Variants in CNNM2 observed in about 807,000 individuals in gnomAD.
CNNM2 encodes cyclin and CBS domain divalent metal cation transport mediator 2, also known as metal transporter CNNM2.
A neutral mutation model predicts 66.9 loss-of-function variants in CNNM2; 12 were observed. The observed-to-expected ratio is 0.18, with a 90% CI of 0.11 to 0.29. The LOEUF (loss-of-function observed/expected upper bound fraction) is 0.29, where lower values mean the gene tolerates loss of function less well. Among genes scored for constraint, CNNM2 ranks in the 10% least tolerant of loss-of-function variants. The pLI is 1.00. For synonymous variants in CNNM2, 557 were observed against 501.8 expected (o/e 1.11, Z -1.47); for missense variants, 705 against 1,167.7 (o/e 0.60, Z 5.77).
At position 102,927,752 on chromosome 10, in the gene CNNM2, CA is replaced by C. The variant is rs564326128; in HGVS notation, c.1621+7660del. 1.5e-3 allele frequency: 337 copies of C among 225,246 alleles called. 2 individuals carry two copies. The highest frequency in any genetic ancestry group is 8.5e-3 in the South Asian group (108 of 12,676). 14.0% of individuals were successfully genotyped at this position (225,246 alleles called of 1,614,324 possible). On this transcript the variant is annotated intron_variant, in intron 1 of 7. Transcript: ENST00000369878. Reference sequence around the variant, plus strand: ...TGGACGACAAAGTGAGACTCTGTCTCAAAAAAAAAGGAGGGGGTGGTGGCAG... The same window carrying C: ...TGGACGACAAAGTGAGACTCTGTCTCAAAAAAAAGGAGGGGGTGGTGGCAG...
chr10:102,932,784 G>A (rs1011558806), intron 1 of CNNM2, among the ~76,000 whole-genome samples: 1 of 151,516 alleles, frequency 6.6e-6, no homozygotes, highest in Non-Finnish European at 1.5e-5. Context: ...CAGCGTGGTG[G>A]TGCATGCCTG....
chr10:102,952,538 T>A (rs1342437615), intron 1 of CNNM2, among the ~76,000 whole-genome samples: 1 of 150,720 alleles, frequency 6.6e-6, no homozygotes, highest in African/African-American at 2.4e-5. Context: ...CACTCCAGCC[T>A]GGGTGACAGA....
rs1426193708 is a variant in CNNM2, at chr10:103,070,138, C to G, written c.2167+1416C>G. On this transcript the variant is annotated intron_variant, in intron 5 of 7. Coordinates refer to ENST00000369878, the MANE Select transcript of CNNM2 (RefSeq NM_017649.5). ...GTCCCCACTGTCAACTGCTGACCAA[C>G]ACCCAACACCCACTGTGAACATGGG... is the stretch of plus-strand genomic sequence containing the variant. Among the ~76,000 whole-genome samples the G allele has an allele frequency of 2.6e-5, 4 of 152,264 alleles. No homozygotes were observed. The South Asian group carries it at 8.3e-4, about 32-fold the overall frequency.
intron 1 of CNNM2, among the ~76,000 whole-genome samples, chr10:102,987,524 T>C (rs2063819756): frequency 6.6e-6 from 1 of 152,042 alleles, no homozygotes; most frequent in Non-Finnish European, 1.5e-5. Context: ...GGTTTCACCA[T>C]GTTGGCGAGG....
chr10:103,037,902 C>T (rs965554852), intron 1 of CNNM2, among the ~76,000 whole-genome samples: 3 of 151,920 alleles, frequency 2.0e-5, no homozygotes, highest in Admixed American at 6.6e-5. Context: ...TGCAGTGGTG[C>T]AATCTTGGCT....
intron 2 of CNNM2, among the ~76,000 whole-genome samples, chr10:103,053,654 G>A (rs954522898): frequency 6.6e-6 from 1 of 152,240 alleles, no homozygotes; most frequent in African/African-American, 2.4e-5. Context: ...CAGCAGTGTG[G>A]AGACTATGTA....
intron 1 of CNNM2, among the ~76,000 whole-genome samples, chr10:102,926,020 T>C (rs1290095142): frequency 6.6e-6 from 1 of 152,208 alleles, no homozygotes; most frequent in Admixed American, 6.5e-5. Flanking sequence ...ATTTCTTCTG[T>C]GAGAGTAATG....
intron 1 of CNNM2, among the ~76,000 whole-genome samples, chr10:102,993,019 A>G (rs1387277288): frequency 6.6e-6 from 1 of 152,162 alleles, no homozygotes; most frequent in East Asian, 1.9e-4. Context: ...AACCAAGAAT[A>G]TGTCATACAT....
chr10:102,929,335 A>G (rs1034838822), intron 1 of CNNM2, among the ~76,000 whole-genome samples: 2 of 152,060 alleles, frequency 1.3e-5, no homozygotes, highest in African/African-American at 2.4e-5. Flanking sequence ...GGAAGCTTTT[A>G]GGAAAGCTGA....
intron 1 of CNNM2, among the ~76,000 whole-genome samples, chr10:103,036,823 A>G (rs1192386513): frequency 6.6e-6 from 1 of 152,358 alleles, no homozygotes; most frequent in East Asian, 1.9e-4. Context: ...CATAAGGGCC[A>G]CTGTCAATAG....
chr10:102,952,769 A>G (rs2134193460), intron 1 of CNNM2, among the ~76,000 whole-genome samples: 3 of 152,296 alleles, frequency 2.0e-5, no homozygotes, highest in Middle Eastern at 6.8e-3. Context: ...ATCTGGTAGA[A>G]GCTCTATAGG....
intron 4 of CNNM2, 72 bp from the exon 5 acceptor site, chr10:103,068,557 C>A: frequency 8.0e-7 from 1 of 1,246,430 alleles, no homozygotes; most frequent in Non-Finnish European, 1.2e-6. Context: ...TAAGGAAGGA[C>A]CAAATATTGT....
intron 1 of CNNM2, among the ~76,000 whole-genome samples, chr10:102,938,582 T>C (rs1399071036): frequency 7.9e-6 from 1 of 127,078 alleles, no homozygotes; most frequent in African/African-American, 3.1e-5. Context: ...ATTGCGCCAC[T>C]GCACTCCTGC....
intron 1 of CNNM2, among the ~76,000 whole-genome samples, chr10:102,927,190 T>C (rs909562617): frequency 2.6e-5 from 4 of 152,208 alleles, no homozygotes; most frequent in Non-Finnish European, 5.9e-5. Flanking sequence ...TATATATGTG[T>C]GTATGTATAT....
chr10:103,084,051 T>TA lies in CNNM2; in HGVS notation c.*6872dup, dbSNP rs2065780851. 1 of 152,212 alleles carries TA rather than the reference T, an allele frequency of 6.6e-6. No homozygotes were observed. The highest frequency in any genetic ancestry group is 1.5e-5 in the Non-Finnish European group (1 of 68,040). 9.4% of individuals were successfully genotyped at this position (152,212 alleles called of 1,614,324 possible). On this transcript the variant is annotated 3_prime_UTR_variant, in exon 8 of 8. Transcript: ENST00000369878. ...CACTACTTTGTCTTCTGTTCCTTCTTACCCTCATCACTCACATGAGACCAG... is the reference window on the plus strand; with the variant it reads ...CACTACTTTGTCTTCTGTTCCTTCTTAACCCTCATCACTCACATGAGACCAG...
rs888992409 is a variant in CNNM2 at position 103,083,953 on chromosome 10, G to A, written c.*6773G>A. Reference sequence around the variant, plus strand: ...CCTGAGTGTGGCGAGGCGTGTGCAGGTGGGTCTTCAGGATTCAGTGGATAT... The same window carrying A: ...CCTGAGTGTGGCGAGGCGTGTGCAGATGGGTCTTCAGGATTCAGTGGATAT... On this transcript the variant is annotated 3_prime_UTR_variant, in exon 8 of 8. Coordinates refer to ENST00000369878, the MANE Select transcript of CNNM2 (RefSeq NM_017649.5). 4 of 152,240 alleles carry A rather than the reference G, an allele frequency of 2.6e-5. No homozygotes were observed. The South Asian group carries it at 8.3e-4, about 32-fold the overall frequency. 9.4% of individuals were successfully genotyped at this position (152,240 alleles called of 1,614,324 possible). A position where few individuals can be genotyped will look rare whatever the true frequency, so the allele number is the denominator to read the frequency against.
intron 1 of CNNM2, among the ~76,000 whole-genome samples, chr10:102,970,875 T>C (rs1167056612): frequency 2.0e-5 from 3 of 152,146 alleles, no homozygotes; most frequent in Non-Finnish European, 4.4e-5. Flanking sequence ...TGTTCTTTCC[T>C]GGCTTGGTGA....
chr10:103,010,151 T>C (rs544662625), intron 1 of CNNM2, among the ~76,000 whole-genome samples: 7 of 152,158 alleles, frequency 4.6e-5, no homozygotes, highest in Non-Finnish European at 1.0e-4. Context: ...TTAAAACATT[T>C]CAATAACGTA....
chr10:103,054,667 G>A lies in CNNM2; in HGVS notation c.1903+201G>A, dbSNP rs556041935. On this transcript the variant is annotated intron_variant, in intron 3 of 7. Coordinates refer to ENST00000369878, the MANE Select transcript of CNNM2 (RefSeq NM_017649.5). The surrounding 1 kb of genome is among the most constrained non-coding windows in gnomAD (Gnocchi z 5.2). ...TCTCTCCTCTCCTATGTTCAGTGTCGGCATGAACCCTCTGAGACATTTACC... is the reference window on the plus strand; with the variant it reads ...TCTCTCCTCTCCTATGTTCAGTGTCAGCATGAACCCTCTGAGACATTTACC... 2.6e-5 allele frequency among the ~76,000 whole-genome samples: 4 copies of A among 151,826 alleles called. No individual in the cohort carries two copies. The highest frequency in any genetic ancestry group is 2.1e-4 in the South Asian group (1 of 4,796).
Sources: allele counts gnomAD v4.1 joint callset (sites outside exome capture counted in the v4.1 genomes callset), GRCh38; gene constraint gnomAD v4.1.1; non-coding constraint Gnocchi (gnomAD v3.1); transcripts MANE v1.5; gene names NCBI Gene and HGNC (gene_info 2026-07-23, HGNC 2026-07-21).